The following BRF1 variants were observed in gnomAD, a reference collection of about 807,000 sequenced individuals.
BRF1 encodes BRF1 general transcription factor IIIB subunit, also known as transcription factor IIIB 90 kDa subunit.
Under a neutral mutation model 81.7 loss-of-function variants are expected in BRF1, and 59 were observed. The ratio of observed to expected loss-of-function variants is 0.72; its 90% confidence interval spans 0.59 to 0.90. The LOEUF (loss-of-function observed/expected upper bound fraction) is 0.90. Ranked by LOEUF, BRF1 falls within the 40% of genes least tolerant of loss-of-function variation. The probability of loss-of-function intolerance (pLI) is 0.00; values close to 1 mark genes in which losing one functional copy is unlikely to be tolerated. For synonymous variants in BRF1, 491 were observed against 395.6 expected, an observed-to-expected ratio of 1.24 and a Z score of -2.86; for missense variants, 1,050 against 936.3, an observed-to-expected ratio of 1.12 and a Z score of -1.58.
chr14:105,244,377 G>A (rs890648043), intron 5 of BRF1, among the ~76,000 whole-genome samples: 1 of 152,182 alleles, frequency 6.6e-6, no homozygotes, highest in Non-Finnish European at 1.5e-5. Context: ...CCAGGAGGTC[G>A]GGGCTGCATT....
At position 105,210,517 on chromosome 14, in the gene BRF1, C is replaced by A; in HGVS notation, c.*34G>T. The A allele has an allele frequency of 6.2e-7, 1 of 1,608,608 alleles. No individual in the cohort carries two copies. The highest frequency in any genetic ancestry group is 8.5e-7 in the Non-Finnish European group (1 of 1,179,568). On this transcript the variant is annotated 3_prime_UTR_variant, in exon 18 of 18. Coordinates refer to ENST00000547530, the MANE Select transcript of BRF1 (RefSeq NM_001519.4). This position sits in a 1 kb window ranked among gnomAD's most constrained non-coding sequence, Gnocchi z 4.7. ...GATGCTGAGGAGACCCGCGAGGCCC[C>A]CTGCCAGGACATCACCTGCCTGGAG...
At position 105,217,489 on chromosome 14, in the gene BRF1, CCTCTGCCCGCCCTGGG is replaced by C. The variant is rs1371855604; in HGVS notation, c.1772+39_1772+54del. The C allele has an allele frequency of 2.5e-6, 4 of 1,584,718 alleles. No individual in the cohort carries two copies. In the African/African-American group the frequency reaches 4.0e-5, roughly 16 times the overall value. The stretch of plus-strand genomic sequence containing the variant: ...CAGCTCCAGGACCCGAAGCCATGGG[CCTCTGCCCGCCCTGGG>C]CTGCTGCCCTAACCCAGCCACTCAG... On this transcript the variant is annotated intron_variant, in intron 15 of 17. Transcript: ENST00000547530.
intron 10 of BRF1, 28 bp from the exon 11 acceptor site, chr14:105,221,942 C>A (rs373633958): frequency 6.5e-7 from 1 of 1,541,040 alleles, no homozygotes; most frequent in Non-Finnish European, 8.7e-7. Flanking sequence ...ACCTGTTAAC[C>A]AGGCAGAGGG....
At chr14:105,297,819 AC>A (rs1566875802) in intron 1 of BRF1, among the ~76,000 whole-genome samples, 1 of 151,530 alleles carries the variant, frequency 6.6e-6, no homozygotes, top group Non-Finnish European at 1.5e-5. Context: ...ACACGGTGAA[AC>A]CCCGTCTCTA....
At chr14:105,228,698 G>C in intron 7 of BRF1, 122 bp downstream of exon 7, 2 of 1,140,480 alleles carry the variant, frequency 1.8e-6, no homozygotes, top group East Asian at 4.7e-5. Flanking sequence ...GCTAGGTCCT[G>C]GCCAGCAGCC....
intron 1 of BRF1, among the ~76,000 whole-genome samples, chr14:105,287,431 C>T (rs772076126): frequency 6.6e-6 from 1 of 152,198 alleles, no homozygotes; most frequent in Non-Finnish European, 1.5e-5. Context: ...CCCGCAGCGT[C>T]GGCCCTCAGT....
At chr14:105,226,040 T>C in intron 10 of BRF1, 29 bp downstream of exon 10, 2 of 1,592,894 alleles carry the variant, frequency 1.3e-6, no homozygotes, top group Non-Finnish European at 1.7e-6. Context: ...TTTAAAGGTC[T>C]GAATAGGGGC....
At chr14:105,286,769 C>T (rs587725191) in intron 1 of BRF1, among the ~76,000 whole-genome samples, 1 of 152,368 alleles carries the variant, frequency 6.6e-6, no homozygotes, top group East Asian at 1.9e-4. Context: ...CCACGCCCGG[C>T]TGGGATTACA....
At chr14:105,229,563 A>G (rs1375183436) in intron 6 of BRF1, among the ~76,000 whole-genome samples, 3 of 152,230 alleles carry the variant, frequency 2.0e-5, no homozygotes, top group South Asian at 4.1e-4. Flanking sequence ...ACCAGCACCA[A>G]GGGCAAAGTG....
rs140779507 is a variant in BRF1, at chr14:105,228,831, C to G, written c.777G>C (p.Thr259=). 1.2e-6 allele frequency: 2 copies of G among 1,613,894 alleles called. No homozygotes were observed. The highest frequency in any genetic ancestry group is 1.7e-4 in the Middle Eastern group (1 of 6,060). Residue 259 remains threonine (T), a synonymous_variant, in exon 7 of 18, where the codon ACG becomes ACC. Transcript: ENST00000547530. ...TGAGAGCCCCTCACCTCTTCCGCAGCGTGGACTCACACACTTTGACCACAC... is the reference window on the plus strand; with the variant it reads ...TGAGAGCCCCTCACCTCTTCCGCAGGGTGGACTCACACACTTTGACCACAC... ...VISVVKVCES[T]LRKRLTEFED...
chr14:105,226,569 G>A (rs1893133359), intron 8 of BRF1, 65 bp downstream of exon 8: 4 of 1,604,642 alleles, frequency 2.5e-6, no homozygotes, highest in East Asian at 2.2e-5. Flanking sequence ...AACCCCAGTC[G>A]GGGTGTGTGG....
chr14:105,268,310 G>A (rs778130299), intron 3 of BRF1, among the ~76,000 whole-genome samples: 41 of 152,258 alleles, frequency 2.7e-4, no homozygotes, highest in Non-Finnish European at 4.6e-4. Context: ...GCATGTCCAG[G>A]TCCCGTGTCT....
At chr14:105,265,489 C>T (rs372120055) in intron 3 of BRF1, among the ~76,000 whole-genome samples, 299 of 152,266 alleles carry the variant, frequency 2.0e-3, no homozygotes, top group Middle Eastern at 0.01. Context: ...CAGTGGTTCA[C>T]GCCTGTAATC....
At chr14:105,223,790 C>T (rs1053995020) in intron 10 of BRF1, among the ~76,000 whole-genome samples, 17 of 152,112 alleles carry the variant, frequency 1.1e-4, no homozygotes, top group Non-Finnish European at 1.6e-4. Flanking sequence ...AGTTTTCATA[C>T]GGCAATCACA....
At chr14:105,253,560 T>C (rs1463795894) in intron 4 of BRF1, among the ~76,000 whole-genome samples, 1 of 152,182 alleles carries the variant, frequency 6.6e-6, no homozygotes, top group African/African-American at 2.4e-5. Flanking sequence ...GACTCCAGGG[T>C]ACTGGGAGAC....
intron 12 of BRF1, 85 bp from the exon 13 acceptor site, chr14:105,219,317 T>G (rs771542190): frequency 6.3e-7 from 1 of 1,582,724 alleles, no homozygotes; most frequent in South Asian, 1.1e-5. Flanking sequence ...CGGGAAGTAT[T>G]TCCACCGTTA....
intron 15 of BRF1, among the ~76,000 whole-genome samples, chr14:105,215,707 C>A (rs1359238692): frequency 7.1e-6 from 1 of 139,864 alleles, no homozygotes; most frequent in Non-Finnish European, 1.5e-5. Flanking sequence ...TGCATGCACA[C>A]AGGCACACAC....
intron 1 of BRF1, 104 bp from the exon 2 acceptor site, chr14:105,286,480 C>A: frequency 8.4e-7 from 1 of 1,192,972 alleles, no homozygotes; most frequent in Non-Finnish European, 1.2e-6. Context: ...CGGGGGTCAG[C>A]ACTCATGGGG....
chr14:105,209,871 T>C lies in BRF1; in HGVS notation c.*680A>G, dbSNP rs1416639272. The C allele has an allele frequency of 1.5e-5, 7 of 469,510 alleles. No individual in the cohort carries two copies. Among genetic ancestry groups the C allele is most frequent in the African/African-American group, 1.2e-4 (6 of 49,232 alleles). 29.1% of individuals were successfully genotyped at this position (469,510 alleles called of 1,614,324 possible). Reference sequence around the variant, plus strand: ...AACTCAAGTGGCCCTGGAGCAGGGGTCTGACCCCCATGCTGCTCCAGGCGG... The same window carrying C: ...AACTCAAGTGGCCCTGGAGCAGGGGCCTGACCCCCATGCTGCTCCAGGCGG... On this transcript the variant is annotated 3_prime_UTR_variant, in exon 18 of 18. Coordinates refer to ENST00000547530, the MANE Select transcript of BRF1 (RefSeq NM_001519.4).
Sources: gnomAD v4.1 joint callset for allele counts (sites outside exome capture counted in the v4.1 genomes callset) on GRCh38, gnomAD v4.1.1 for gene constraint, Gnocchi (gnomAD v3.1) non-coding constraint, MANE v1.5 for transcripts, NCBI Gene and HGNC (gene_info 2026-07-23, HGNC 2026-07-21) for gene names.